Variants in FOXA2 observed in about 807,000 individuals in gnomAD.
FOXA2 encodes forkhead box A2, also known as hepatocyte nuclear factor 3-beta.
In FOXA2, 9 loss-of-function variants were observed where a neutral mutation model predicts 33.3. The ratio of observed to expected loss-of-function variants is 0.27; its 90% CI spans 0.16 to 0.47. The LOEUF is 0.47. Among genes scored for constraint, FOXA2 ranks in the 20% least tolerant of loss-of-function variants. The pLI is 0.99. For missense variants in FOXA2, 704 were observed against 659.9 expected, an observed-to-expected ratio of 1.07 and a Z score of -0.73; for synonymous variants, 329 against 289.4, an observed-to-expected ratio of 1.14 and a Z score of -1.39.
rs768134616 is a variant in FOXA2 at position 22,583,117 on chromosome 20, C to G, written c.125G>C (p.Gly42Ala). ...CATGTACGTGTTCATGCCGTTCATC[C>G]CCAGGCCGGCGTTCATGTTGCTCAC... ...SSVSNMNAGL[G>A]MNGMNTYMSM... is the part of the protein sequence containing the mutation. The change falls in exon 2 of 2, where the codon GGG (glycine) becomes GCG (alanine). Residue 42 changes from glycine to alanine, a missense_variant. By Grantham distance (60) the Gly-to-Ala change is moderately conservative. Transcript: ENST00000419308. 6.2e-7 allele frequency: 1 copy of G among 1,606,080 alleles called. No homozygotes were observed.
chr20:22,584,873 C>T (rs1984723924), upstream of FOXA2, among the ~76,000 whole-genome samples: 1 of 152,108 alleles, frequency 6.6e-6, no homozygotes. Context: ...GCGCTCCGCA[C>T]CTGCCCCTCA....
In FOXA2 at chr20:22,582,347, G is replaced by A. The variant is rs988735247; in HGVS notation, c.895C>T (p.Pro299Ser). ...SQAQLGEAAG[P>S]ASETPAGTES... is the part of the protein sequence containing the mutation. The stretch of plus-strand genomic sequence containing the variant: ...GTGCCCGCCGGAGTCTCGGAGGCCG[G>A]CCCGGCGGCCTCCCCGAGTTGAGCC... The change falls in exon 2 of 2, where the codon CCG becomes TCG. Residue 299 changes from proline to serine, a missense_variant. Around this residue, in one of 5 missense-constraint regions of FOXA2, gnomAD observed 343 missense variants for 274.8 expected, o/e 1.25. Coordinates refer to ENST00000419308, the MANE Select transcript of FOXA2 (RefSeq NM_021784.5). 6.8e-7 allele frequency: 1 copy of A among 1,480,522 alleles called. No individual in the cohort carries two copies. The highest frequency in any genetic ancestry group is 8.9e-7 in the Non-Finnish European group (1 of 1,124,580). 91.7% of individuals were successfully genotyped at this position (1,480,522 alleles called of 1,614,324 possible).
At chr20:22,584,893 G>GC (rs1984724900), upstream of FOXA2, among the ~76,000 whole-genome samples, 2 of 152,084 alleles carry the variant, frequency 1.3e-5, no homozygotes, top group Non-Finnish European at 2.9e-5. Context: ...AGCGCCTGCC[G>GC]TCCGCCCCAC....
At position 22,581,224 on chromosome 20, in the gene FOXA2, C is replaced by T. The variant is rs1347233165; in HGVS notation, c.*626G>A. On this transcript the variant is annotated 3_prime_UTR_variant, in exon 2 of 2. Coordinates refer to ENST00000419308, the MANE Select transcript of FOXA2 (RefSeq NM_021784.5). ...CACTTTAATATAGATTTGTGGAACTCTGGCCCTTGCAGCCAGAATACACAT... is the reference window on the plus strand; with the variant it reads ...CACTTTAATATAGATTTGTGGAACTTTGGCCCTTGCAGCCAGAATACACAT... 6.6e-6 allele frequency: 1 copy of T among 152,628 alleles called. No individual in the cohort carries two copies. The highest frequency in any genetic ancestry group is 6.5e-5 in the Admixed American group (1 of 15,288). The allele number at this position is 152,628 out of a possible 1,614,324, so 9.5% of individuals were successfully genotyped here. A position where few individuals can be genotyped will look rare whatever the true frequency, so the allele number is the denominator to read the frequency against.
Position 22,581,702 on chromosome 20 carries a change from T to A in FOXA2, c.*148A>T. ...GCAGCGGGTGAAGAAGACTGCTGTCTTGGGGGTGTTGGGGTGGGGGTGTTA... is the reference window on the plus strand; with the variant it reads ...GCAGCGGGTGAAGAAGACTGCTGTCATGGGGGTGTTGGGGTGGGGGTGTTA... On this transcript the variant is annotated 3_prime_UTR_variant, in exon 2 of 2. Transcript: ENST00000419308. The A allele has an allele frequency of 1.4e-6, 1 of 720,604 alleles. No individual in the cohort carries two copies. Among genetic ancestry groups the A allele is most frequent in the Non-Finnish European group, 2.4e-6 (1 of 420,704 alleles). 44.6% of individuals were successfully genotyped at this position (720,604 alleles called of 1,614,324 possible).
In FOXA2 at chr20:22,584,367, G is replaced by T. The variant is rs967465757; in HGVS notation, c.-89C>A. Reference sequence around the variant, plus strand: ...TTAAAAAAAAGTCAGCCAAAGCACCGTCCCCTCCTCCCTCCCTCTCTCGCG... The same window carrying T: ...TTAAAAAAAAGTCAGCCAAAGCACCTTCCCCTCCTCCCTCCCTCTCTCGCG... On this transcript the variant is annotated 5_prime_UTR_variant, in exon 1 of 2. Coordinates refer to ENST00000419308, the MANE Select transcript of FOXA2 (RefSeq NM_021784.5). The T allele has an allele frequency of 1.9e-6, 2 of 1,044,178 alleles. No individual in the cohort carries two copies. Among genetic ancestry groups the T allele is most frequent in the Non-Finnish European group, 2.9e-6 (2 of 691,510 alleles). The allele number at this position is 1,044,178 out of a possible 1,614,324, so 64.7% of individuals were successfully genotyped here.
Position 22,582,930 on chromosome 20 carries a change from G to A in FOXA2, c.312C>T (p.Gly104=). The A allele has an allele frequency of 1.3e-6, 2 of 1,523,664 alleles. No homozygotes were observed. The highest frequency in any genetic ancestry group is 1.8e-6 in the Non-Finnish European group (2 of 1,140,802). 94.4% of individuals were successfully genotyped at this position (1,523,664 alleles called of 1,614,324 possible). A position where few individuals can be genotyped will look rare whatever the true frequency, so the allele number is the denominator to read the frequency against. Residue 104 remains glycine (G), a synonymous_variant, in exon 2 of 2, where the codon GGC becomes GGT. Coordinates refer to ENST00000419308, the MANE Select transcript of FOXA2 (RefSeq NM_021784.5). The part of the protein sequence containing the change: ...AGMGGSAGAA[G]VAGMGPHLSP... Reference sequence around the variant, plus strand: ...TCAAGTGCGGCCCCATGCCCGCCACGCCGGCCGCCCCGGCCGAGCCGCCCA... The same window carrying A: ...TCAAGTGCGGCCCCATGCCCGCCACACCGGCCGCCCCGGCCGAGCCGCCCA...
intron 1 of FOXA2, 124 bp from the exon 2 acceptor site, chr20:22,583,278 C>T: frequency 2.1e-6 from 2 of 970,422 alleles, no homozygotes; most frequent in South Asian, 2.6e-5. Context: ...CTTTCGTCCC[C>T]GATGGCCCAG....
intron 1 of FOXA2, among the ~76,000 whole-genome samples, 159 bp from the exon 2 acceptor site, chr20:22,583,313 T>C (rs1252254107): frequency 6.6e-6 from 1 of 152,156 alleles, no homozygotes; most frequent in Non-Finnish European, 1.5e-5. Context: ...GTCTGTTTCA[T>C]TCAGGGAGAG....
Position 22,582,516 on chromosome 20 carries a change from G to A in FOXA2, c.726C>T (p.His242=). 3 of 1,614,128 alleles carry A rather than the reference G, an allele frequency of 1.9e-6. No individual in the cohort carries two copies. Among genetic ancestry groups the A allele is most frequent in the Middle Eastern group, 1.7e-4 (1 of 6,056 alleles). ...TCTCGAACATGTTGCCCGAGTCAGG[G>A]TGCAGGGTCCAGAAGGAGCCCTTGC... ...KPGKGSFWTL[H]PDSGNMFENG... is the part of the protein sequence containing the mutation. The change falls in exon 2 of 2, where the codon CAC becomes CAT. Residue 242 remains histidine, a synonymous_variant. Coordinates refer to ENST00000419308, the MANE Select transcript of FOXA2 (RefSeq NM_021784.5).
chr20:22,583,225 C>T, intron 1 of FOXA2, 71 bp from the exon 2 acceptor site: 1 of 1,562,888 alleles, frequency 6.4e-7, no homozygotes, highest in Non-Finnish European at 8.7e-7. Flanking sequence ...GACCTCCCAC[C>T]CACCGCCCAG....
Position 22,581,746 on chromosome 20 carries a change from C to A in FOXA2, c.*104G>T, listed in dbSNP as rs1167437275. 8.4e-6 allele frequency: 9 copies of A among 1,072,396 alleles called. No homozygotes were observed. Among genetic ancestry groups the A allele is most frequent in the Admixed American group, 7.9e-5 (4 of 50,696 alleles). The allele number at this position is 1,072,396 out of a possible 1,614,324, so 66.4% of individuals were successfully genotyped here. On this transcript the variant is annotated 3_prime_UTR_variant, in exon 2 of 2. Coordinates refer to ENST00000419308, the MANE Select transcript of FOXA2 (RefSeq NM_021784.5). ...GGTGTTATGGATTTCTTCTCCCTTG[C>A]GTCTCTGCAACACCGTCTCCCCAAA... is the stretch of plus-strand genomic sequence containing the variant.
rs868573695 is a variant in FOXA2 at position 22,583,063 on chromosome 20, C to A, written c.179G>T (p.Gly60Val). 1.2e-6 allele frequency: 2 copies of A among 1,610,190 alleles called. No individual in the cohort carries two copies. Among genetic ancestry groups the A allele is most frequent in the African/African-American group, 2.7e-5 (2 of 75,050 alleles). Residue 60 changes from glycine to valine, a missense_variant, in exon 2 of 2, where the codon GGC becomes GTC. Transcript: ENST00000419308. Reference protein sequence around the residue: ...MSMSAAAMGSGSGNMSAGSMN... With the variant: ...MSMSAAAMGSVSGNMSAGSMN... ...GGAGCCCGCGCTCATGTTGCCCGAG[C>A]CGCTGCCCATGGCGGCCGCCGACAT...
chr20:22,584,786 CG>C (rs1346751324), upstream of FOXA2, among the ~76,000 whole-genome samples: 6 of 152,012 alleles, frequency 3.9e-5, no homozygotes, highest in Non-Finnish European at 8.8e-5. Flanking sequence ...CGCGCTGGCG[CG>C]GGCCTCCAAT....
At chr20:22,583,858 T>C (rs1194597728) in intron 1 of FOXA2, among the ~76,000 whole-genome samples, 2 of 151,448 alleles carry the variant, frequency 1.3e-5, no homozygotes, top group Non-Finnish European at 2.9e-5. Flanking sequence ...CCTCCTCAGC[T>C]CCCCACCCCC....
chr20:22,584,894 T>A (rs1984724956), upstream of FOXA2, among the ~76,000 whole-genome samples: 2 of 151,966 alleles, frequency 1.3e-5, no homozygotes, highest in Non-Finnish European at 2.9e-5. Context: ...GCGCCTGCCG[T>A]CCGCCCCACC....
rs551961134 is a variant in FOXA2, at chr20:22,581,733, T to G, written c.*117A>C. On this transcript the variant is annotated 3_prime_UTR_variant, in exon 2 of 2. Transcript: ENST00000419308. The stretch of plus-strand genomic sequence containing the variant: ...GTGTTGGGGTGGGGGTGTTATGGAT[T>G]TCTTCTCCCTTGCGTCTCTGCAACA... The G allele has an allele frequency of 5.2e-6, 5 of 952,904 alleles. No homozygotes were observed. Among genetic ancestry groups the G allele is most frequent in the African/African-American group, 4.9e-5 (3 of 61,412 alleles). The allele number at this position is 952,904 out of a possible 1,614,324, so 59.0% of individuals were successfully genotyped here. A position where few individuals can be genotyped will look rare whatever the true frequency, so the allele number is the denominator to read the frequency against.
chr20:22,582,216 C>A lies in FOXA2; in HGVS notation c.1026G>T (p.Ala342=), dbSNP rs1385153913. 2 of 1,540,828 alleles carry A rather than the reference C, an allele frequency of 1.3e-6. No homozygotes were observed. The highest frequency in any genetic ancestry group is 1.4e-5 in the African/African-American group (1 of 72,974). The change falls in exon 2 of 2, where the codon GCG becomes GCT. Residue 342 remains alanine, a synonymous_variant. Coordinates refer to ENST00000419308, the MANE Select transcript of FOXA2 (RefSeq NM_021784.5). The part of the protein sequence containing the change: ...PAAALSPPEP[A]PSPGQQQQAA... ...CCTGCTGCTGCTGCCCGGGAGAGGG[C>A]GCCGGCTCTGGGGGGCTCAGCGCCG...
rs761452163 is a variant in FOXA2, at chr20:22,583,127, C to G, written c.115G>C (p.Ala39Pro). The G allele has an allele frequency of 5.6e-6, 9 of 1,604,630 alleles. No individual in the cohort carries two copies. Among genetic ancestry groups the G allele is most frequent in the Non-Finnish European group, 6.8e-6 (8 of 1,179,816 alleles). Residue 39 changes from alanine (A) to proline (P), a missense_variant, in exon 2 of 2, where the codon GCC becomes CCC. Ala to Pro is a conservative substitution (Grantham distance 27). Coordinates refer to ENST00000419308, the MANE Select transcript of FOXA2 (RefSeq NM_021784.5). The part of the protein sequence containing the change: ...EGYSSVSNMN[A>P]GLGMNGMNTY... ...TTCATGCCGTTCATCCCCAGGCCGG[C>G]GTTCATGTTGCTCACGGAGGAGTAG...
Sources: gnomAD v4.1 joint callset for allele counts (sites outside exome capture counted in the v4.1 genomes callset) on GRCh38, gnomAD v4.1.1 for gene constraint, gnomAD v4.1.1 regional missense constraint, MANE v1.5 for transcripts, NCBI Gene and HGNC (gene_info 2026-07-23, HGNC 2026-07-21) for gene names.